The following FSTL5 variants were observed in gnomAD, a reference collection of about 807,000 sequenced individuals.
FSTL5 encodes the protein follistatin-related protein 5.
A neutral mutation model predicts 89.1 loss-of-function variants in FSTL5; 62 were observed. The observed-to-expected ratio is 0.70, with a 90% CI of 0.57 to 0.86. FSTL5 has a LOEUF of 0.86. Among genes scored for constraint, FSTL5 ranks in the 40% least tolerant of loss-of-function variants. The pLI is 0.00. For missense variants in FSTL5, 1,057 were observed against 1,001.6 expected, an observed-to-expected ratio of 1.06 and a Z score of -0.75; for synonymous variants, 383 against 346.2, an observed-to-expected ratio of 1.11 and a Z score of -1.18.
chr4:162,109,036 A>T (rs2111402071), intron 2 of FSTL5, among the ~76,000 whole-genome samples: 1 of 152,126 alleles, frequency 6.6e-6, no homozygotes, highest in South Asian at 2.1e-4. Context: ...AATCAAAGAA[A>T]TTGATAGGGA....
At chr4:161,863,633 T>G (rs1359182153) in intron 4 of FSTL5, among the ~76,000 whole-genome samples, 1 of 152,180 alleles carries the variant, frequency 6.6e-6, no homozygotes, top group African/African-American at 2.4e-5. Context: ...CCACAAGAAG[T>G]GATTTTCCTC....
chr4:161,421,852 G>A (rs1732002032), intron 15 of FSTL5, among the ~76,000 whole-genome samples: 1 of 152,096 alleles, frequency 6.6e-6, no homozygotes, highest in Admixed American at 6.6e-5. Flanking sequence ...TTTAGAAAAT[G>A]GCTGGAACCT....
chr4:162,153,003 A>T (rs1733291081), intron 1 of FSTL5, among the ~76,000 whole-genome samples: 1 of 152,226 alleles, frequency 6.6e-6, no homozygotes, highest in East Asian at 1.9e-4. Context: ...TTTTGCCAAC[A>T]ATTTGTCATT....
intron 4 of FSTL5, among the ~76,000 whole-genome samples, chr4:161,914,706 G>C (rs1373015097): frequency 1.3e-5 from 2 of 151,982 alleles, no homozygotes; most frequent in Non-Finnish European, 2.9e-5. Context: ...TCATTTCTAT[G>C]TTAATTTGAC....
intron 10 of FSTL5, among the ~76,000 whole-genome samples, chr4:161,532,435 T>C (rs561515921): frequency 7.2e-5 from 11 of 152,216 alleles, no homozygotes; most frequent in Non-Finnish European, 1.5e-4. Flanking sequence ...AAATTTATAC[T>C]CTTCAGTTAC....
At chr4:161,537,663 A>G (rs1731671300) in intron 10 of FSTL5, among the ~76,000 whole-genome samples, 1 of 152,190 alleles carries the variant, frequency 6.6e-6, no homozygotes, top group Non-Finnish European at 1.5e-5. Flanking sequence ...GAACAGCAAC[A>G]GTGTAGTTTT....
intron 6 of FSTL5, among the ~76,000 whole-genome samples, chr4:161,685,339 G>A (rs1264546225): frequency 1.3e-5 from 2 of 152,146 alleles, no homozygotes; most frequent in Non-Finnish European, 2.9e-5. Context: ...GCTTTTGGCA[G>A]TATGGTCGTT....
chr4:161,843,297 G>A (rs1040076076), intron 4 of FSTL5, among the ~76,000 whole-genome samples: 1 of 152,012 alleles, frequency 6.6e-6, no homozygotes, highest in South Asian at 2.1e-4. Context: ...CTAATTATTT[G>A]AAGAAAGTCA....
chr4:162,129,036 T>C (rs1342340545), intron 1 of FSTL5, among the ~76,000 whole-genome samples: 1 of 151,874 alleles, frequency 6.6e-6, no homozygotes, highest in East Asian at 1.9e-4. Context: ...GCGATTCTCC[T>C]GTTCTCCTGC....
At chr4:161,759,337 A>G in intron 6 of FSTL5, 74 bp downstream of exon 6, 1 of 1,386,478 alleles carries the variant, frequency 7.2e-7, no homozygotes, top group South Asian at 1.5e-5. Context: ...TATGAGAGCA[A>G]GCAAATAGAC....
Position 161,512,850 on chromosome 4 carries a change from T to A in FSTL5, c.1313-2426A>T, listed in dbSNP as rs144144819. Among the ~76,000 whole-genome samples the A allele has an allele frequency of 8.4e-3, 1,271 of 152,148 alleles. 12 individuals are homozygous for A. Among genetic ancestry groups the A allele is most frequent in the African/African-American group, 0.029 (1,207 of 41,530 alleles). On this transcript the variant is annotated intron_variant, in intron 10 of 15. Coordinates refer to ENST00000306100, the MANE Select transcript of FSTL5 (RefSeq NM_020116.5). Reference sequence around the variant, plus strand: ...TTCTTTAACATATCACTCTCAATATTTGAAAAATGAAGAAAAATAAAGACA... The same window carrying A: ...TTCTTTAACATATCACTCTCAATATATGAAAAATGAAGAAAAATAAAGACA...
At chr4:161,600,689 C>T (rs968476621) in intron 7 of FSTL5, among the ~76,000 whole-genome samples, 23 of 151,958 alleles carry the variant, frequency 1.5e-4, no homozygotes, top group African/African-American at 5.1e-4. Context: ...GTTTTGAAAG[C>T]GAATACAATT....
chr4:161,904,851 G>T (rs1387775184), intron 4 of FSTL5, among the ~76,000 whole-genome samples: 1 of 151,306 alleles, frequency 6.6e-6, no homozygotes, highest in Admixed American at 6.6e-5. Context: ...AAAAGTAATT[G>T]GTCTTTTGTT....
intron 2 of FSTL5, among the ~76,000 whole-genome samples, chr4:162,050,533 C>G (rs146783302): frequency 1.2e-3 from 180 of 149,422 alleles, no homozygotes; most frequent in Middle Eastern, 3.9e-3. Flanking sequence ...AATTAAATAA[C>G]AGTATTTAAT....
At position 162,153,471 on chromosome 4, in the gene FSTL5, G is replaced by A. The variant is rs1336697872; in HGVS notation, c.-17+10144C>T. Among the ~76,000 whole-genome samples the A allele has an allele frequency of 2.0e-5, 3 of 150,856 alleles. No individual in the cohort carries two copies. In the East Asian group the frequency reaches 5.8e-4, roughly 29 times the overall value. On this transcript the variant is annotated intron_variant, in intron 1 of 15. Coordinates refer to ENST00000306100, the MANE Select transcript of FSTL5 (RefSeq NM_020116.5). ...CTTATTGTCTATCTTACTACAGAGA[G>A]GGTAGGGCAGGTACTCTGTCTCTCT... is the stretch of plus-strand genomic sequence containing the variant.
At chr4:161,813,881 C>G (rs1730242862) in intron 4 of FSTL5, among the ~76,000 whole-genome samples, 1 of 151,810 alleles carries the variant, frequency 6.6e-6, no homozygotes, top group Non-Finnish European at 1.5e-5. Context: ...TATAATAGTT[C>G]TGTGTCTCTT....
At chr4:161,633,751 A>C (rs1735584595) in intron 7 of FSTL5, among the ~76,000 whole-genome samples, 1 of 152,180 alleles carries the variant, frequency 6.6e-6, no homozygotes, top group Non-Finnish European at 1.5e-5. Flanking sequence ...TTGAAATGAA[A>C]TTTTAAAACA....
intron 4 of FSTL5, among the ~76,000 whole-genome samples, chr4:161,901,836 G>A (rs887121510): frequency 5.9e-5 from 9 of 152,258 alleles, no homozygotes; most frequent in East Asian, 1.9e-4. Flanking sequence ...TCGGGAGGCC[G>A]AGGTAGGAGA....
At chr4:161,644,506 A>T (rs1736076378) in intron 7 of FSTL5, among the ~76,000 whole-genome samples, 1 of 149,928 alleles carries the variant, frequency 6.7e-6, no homozygotes, top group Admixed American at 6.7e-5. Context: ...AGCCAGGGCA[A>T]TAAGAATGAA....
Sources: allele counts gnomAD v4.1 joint callset (sites outside exome capture counted in the v4.1 genomes callset), GRCh38; gene constraint gnomAD v4.1.1; transcripts MANE v1.5; gene names NCBI Gene and HGNC (gene_info 2026-07-23, HGNC 2026-07-21).